RBFOX1: variants seen among roughly 807,000 people sequenced by gnomAD.
The protein encoded by RBFOX1 is RNA binding protein fox-1 homolog 1.
RBFOX1 carries 8 observed loss-of-function variants against 57.7 expected under a neutral mutation model. The observed-to-expected ratio is 0.14, with a 90% CI of 0.08 to 0.25. The LOEUF is 0.25. Ranked by LOEUF, RBFOX1 falls within the 10% of genes least tolerant of loss-of-function variation. The probability of loss-of-function intolerance (pLI) is 1.00; values close to 1 mark genes in which losing one functional copy is unlikely to be tolerated. For missense variants in RBFOX1, 611 were observed against 548.5 expected (o/e 1.11, Z -1.14); for synonymous variants, 326 against 222.4 (o/e 1.47, Z -4.15).
intron 1 of RBFOX1, among the ~76,000 whole-genome samples, chr16:5,339,090 C>T (rs1212066219): frequency 6.6e-6 from 1 of 151,958 alleles, no homozygotes; most frequent in African/African-American, 2.4e-5. Flanking sequence ...CCACGATGTA[C>T]AGTAGATCTC....
chr16:5,532,645 AG>A (rs1431480312), intron 2 of RBFOX1, among the ~76,000 whole-genome samples: 1 of 152,244 alleles, frequency 6.6e-6, no homozygotes, highest in African/African-American at 2.4e-5. Flanking sequence ...TCTTTGCTGA[AG>A]ATTCTAGCAG....
chr16:5,516,722 T>C (rs1327935740), intron 2 of RBFOX1, among the ~76,000 whole-genome samples: 1 of 151,936 alleles, frequency 6.6e-6, no homozygotes, highest in African/African-American at 2.4e-5. Flanking sequence ...TGGGGGTGGG[T>C]TTTTTTGCAT....
At chr16:7,637,780 T>C (rs1212965011) in intron 11 of RBFOX1, among the ~76,000 whole-genome samples, 1 of 152,160 alleles carries the variant, frequency 6.6e-6, no homozygotes, top group Non-Finnish European at 1.5e-5. Context: ...TGCTTAACAA[T>C]AACTAGCTCC....
chr16:6,646,660 G>A (rs2154078837), intron 2 of RBFOX1, among the ~76,000 whole-genome samples: 1 of 151,902 alleles, frequency 6.6e-6, no homozygotes, highest in South Asian at 2.1e-4. Context: ...GGTCAGAACG[G>A]GCAAAAGCAG....
chr16:6,804,761 G>A (rs570861703), intron 3 of RBFOX1, among the ~76,000 whole-genome samples: 1 of 152,220 alleles, frequency 6.6e-6, no homozygotes, highest in East Asian at 1.9e-4. Flanking sequence ...GGGACGCAGT[G>A]GATTGGGGGC....
intron 4 of RBFOX1, among the ~76,000 whole-genome samples, chr16:7,255,641 A>C (rs1189837514): frequency 6.6e-6 from 1 of 152,212 alleles, no homozygotes; most frequent in East Asian, 1.9e-4. Context: ...GTTCAGTAGA[A>C]ATATAATGCA....
intron 2 of RBFOX1, among the ~76,000 whole-genome samples, chr16:6,546,918 A>G (rs1176067088): frequency 6.6e-6 from 1 of 152,178 alleles, no homozygotes; most frequent in Non-Finnish European, 1.5e-5. Flanking sequence ...CACAGTTTTC[A>G]AACCCTTAAA....
At chr16:5,805,735 A>G (rs2055204547) in intron 3 of RBFOX1, among the ~76,000 whole-genome samples, 1 of 152,190 alleles carries the variant, frequency 6.6e-6, no homozygotes, top group Non-Finnish European at 1.5e-5. Flanking sequence ...GCTTTCAGTA[A>G]TGAGTCAAGT....
chr16:6,719,301 A>G (rs1472048388), intron 3 of RBFOX1, among the ~76,000 whole-genome samples: 1 of 152,238 alleles, frequency 6.6e-6, no homozygotes, highest in Non-Finnish European at 1.5e-5. Context: ...AAGAGGAAAA[A>G]ATAGCCCACT....
chr16:5,713,030 A>T (rs542713995), intron 3 of RBFOX1, among the ~76,000 whole-genome samples: 6 of 152,334 alleles, frequency 3.9e-5, no homozygotes, highest in African/African-American at 1.4e-4. Flanking sequence ...GACTTTAGCC[A>T]GTGAGAGGTA....
At chr16:5,294,913 C>T (rs968100755) in intron 1 of RBFOX1, among the ~76,000 whole-genome samples, 3 of 150,398 alleles carry the variant, frequency 2.0e-5, no homozygotes, top group Non-Finnish European at 4.4e-5. Context: ...GCCTTTGATC[C>T]CAGCTACTCA....
chr16:5,424,863 T>TC (rs2067469870), intron 1 of RBFOX1, among the ~76,000 whole-genome samples: 1 of 134,984 alleles, frequency 7.4e-6, no homozygotes, highest in African/African-American at 3.0e-5. Flanking sequence ...CTCTCTCTTC[T>TC]TTCTTTCTTT....
intron 4 of RBFOX1, among the ~76,000 whole-genome samples, chr16:7,414,133 C>G (rs564446258): frequency 6.6e-6 from 1 of 152,220 alleles, no homozygotes; most frequent in Non-Finnish European, 1.5e-5. Context: ...GGTCTACAGA[C>G]AATCCATTCA....
intron 4 of RBFOX1, among the ~76,000 whole-genome samples, chr16:7,094,773 T>TGTGTGTGTGTGTGTGTGTGTGTGTGG (rs1272219459): frequency 7.1e-6 from 1 of 140,920 alleles, no homozygotes; most frequent in African/African-American, 2.5e-5. Context: ...TGTGTGTGTG[T>TGTGTGTGTGTGTGTGTGTGTGTGTGG]GTGGGTGTGT....
intron 4 of RBFOX1, among the ~76,000 whole-genome samples, chr16:7,176,880 G>A (rs1343161422): frequency 1.3e-5 from 2 of 152,120 alleles, no homozygotes; most frequent in African/African-American, 2.4e-5. Context: ...CAGGAATGGG[G>A]GGAGAGGAAA....
chr16:5,574,756 C>G (rs1258074812), intron 2 of RBFOX1, among the ~76,000 whole-genome samples: 1 of 152,154 alleles, frequency 6.6e-6, no homozygotes, highest in Non-Finnish European at 1.5e-5. Context: ...GTCTGTGCAT[C>G]TCTGAGGTCC....
At chr16:6,502,873 G>A (rs577620250) in intron 2 of RBFOX1, among the ~76,000 whole-genome samples, 336 of 152,154 alleles carry the variant, frequency 2.2e-3, no homozygotes, top group African/African-American at 7.8e-3. Context: ...GGTTATGTCC[G>A]TTTTATAGCA....
intron 1 of RBFOX1, among the ~76,000 whole-genome samples, chr16:5,318,044 G>A (rs1210855009): frequency 1.3e-5 from 2 of 152,156 alleles, no homozygotes; most frequent in African/African-American, 4.8e-5. Context: ...CCTTCAGCAT[G>A]GAAGTGAAAG....
intron 4 of RBFOX1, among the ~76,000 whole-genome samples, chr16:7,218,815 G>C (rs1272728204): frequency 6.6e-6 from 1 of 151,772 alleles, no homozygotes; most frequent in African/African-American, 2.4e-5. Context: ...AACCTGTCTA[G>C]AAGTATCAGA....
Sources: allele counts gnomAD v4.1 joint callset (sites outside exome capture counted in the v4.1 genomes callset), GRCh38; gene constraint gnomAD v4.1.1; transcripts MANE v1.5; gene names NCBI Gene and HGNC (gene_info 2026-07-23, HGNC 2026-07-21).